NPY2R: variants seen among roughly 807,000 people sequenced by gnomAD.
NPY2R encodes the protein neuropeptide Y receptor type 2.
Under a neutral mutation model 22.3 loss-of-function variants are expected in NPY2R, and 17 were observed. The ratio of observed to expected loss-of-function variants is 0.76; its 90% CI spans 0.52 to 1.14. The LOEUF (loss-of-function observed/expected upper bound fraction) is 1.14. NPY2R is among the 50% of genes most tolerant of loss of function. NPY2R has a pLI of 0.00. For missense variants in NPY2R, 424 were observed against 467.9 expected (o/e 0.91, Z 0.87); for synonymous variants, 209 against 183.4 (o/e 1.14, Z -1.13).
At chr4:155,174,462 T>C in the NPY2R span, among the ~76,000 whole-genome samples, 28 of 116,574 alleles carry the variant, frequency 2.4e-4, no homozygotes, top group African/African-American at 1.2e-3. Flanking sequence ...TGGCTAAGCT[T>C]TATATATATA....
chr4:155,173,889 T>G, the NPY2R span: 1 of 152,066 alleles, frequency 6.6e-6, no homozygotes, highest in African/African-American at 2.4e-5. Flanking sequence ...AAGAAAGATT[T>G]TATTTCTCCT....
the NPY2R span, among the ~76,000 whole-genome samples, chr4:155,195,458 T>C: frequency 6.6e-6 from 1 of 151,976 alleles, no homozygotes; most frequent in African/African-American, 2.4e-5. Flanking sequence ...CACCAGACAA[T>C]TTTGATGAAG....
At chr4:155,211,450 A>G (rs1235069028) in intron 1 of NPY2R, among the ~76,000 whole-genome samples, 1 of 152,146 alleles carries the variant, frequency 6.6e-6, no homozygotes, top group Admixed American at 6.5e-5. Flanking sequence ...TGGACAGTAT[A>G]TATTGGGCTG....
In NPY2R at chr4:155,214,410, G is replaced by T; in HGVS notation, c.471G>T (p.Glu157Asp). ...ACAGGTGCATCGTCTACCACCTAGA[G>T]AGCAAGATCTCCAAGCGAATCAGCT... is the stretch of plus-strand genomic sequence containing the variant. ...DRHRCIVYHL[E>D]SKISKRISFL... is the part of the protein sequence containing the mutation. The change falls in exon 2 of 2, where the codon GAG becomes GAT. Residue 157 changes from glutamate (E) to aspartate (D), a missense_variant. Coordinates refer to ENST00000329476, the MANE Select transcript of NPY2R (RefSeq NM_000910.4). 1.2e-6 allele frequency: 2 copies of T among 1,614,054 alleles called. No homozygotes were observed. The highest frequency in any genetic ancestry group is 1.7e-6 in the Non-Finnish European group (2 of 1,180,006).
chr4:155,193,282 C>A, the NPY2R span, among the ~76,000 whole-genome samples: 3 of 152,006 alleles, frequency 2.0e-5, no homozygotes, highest in East Asian at 3.9e-4. Flanking sequence ...GCCCAGAGGA[C>A]TTGTCCAACT....
the NPY2R span, among the ~76,000 whole-genome samples, chr4:155,190,533 AAGG>A: frequency 5.9e-5 from 9 of 151,968 alleles, no homozygotes; most frequent in Admixed American, 5.9e-4. Context: ...AGTAAAATAA[AAGG>A]AGGGTGTTTA....
At chr4:155,175,258 A>C in the NPY2R span, among the ~76,000 whole-genome samples, 5 of 152,180 alleles carry the variant, frequency 3.3e-5, no homozygotes, top group Non-Finnish European at 7.4e-5. Flanking sequence ...GAAATGATGC[A>C]AGTTCAGTAT....
In NPY2R at chr4:155,213,873, T is replaced by C. The variant is rs1051334445; in HGVS notation, c.-48-19T>C. ...TTTTTGTTGTTGTTGTTTTGTTTTATTTTGTTTTTTCTTTTTAGGTTGTAG... is the reference window on the plus strand; with the variant it reads ...TTTTTGTTGTTGTTGTTTTGTTTTACTTTGTTTTTTCTTTTTAGGTTGTAG... On this transcript the variant is annotated intron_variant, in intron 1 of 1. Coordinates refer to ENST00000329476, the MANE Select transcript of NPY2R (RefSeq NM_000910.4). 7.6e-6 allele frequency: 10 copies of C among 1,308,140 alleles called. No individual in the cohort carries two copies. In the African/African-American group the frequency reaches 1.2e-4, roughly 15 times the overall value. 81.0% of individuals were successfully genotyped at this position (1,308,140 alleles called of 1,614,324 possible). A position where few individuals can be genotyped will look rare whatever the true frequency, so the allele number is the denominator to read the frequency against.
upstream of NPY2R, chr4:155,206,991 A>G (rs1368187883): frequency 6.6e-6 from 1 of 152,228 alleles, no homozygotes; most frequent in Non-Finnish European, 1.5e-5. Flanking sequence ...AAACAAAACA[A>G]AACAAAAACA....
the NPY2R span, among the ~76,000 whole-genome samples, chr4:155,186,680 T>G: frequency 6.6e-6 from 1 of 152,176 alleles, no homozygotes; most frequent in African/African-American, 2.4e-5. Flanking sequence ...TGATACACAG[T>G]AGATCTTTAA....
At chr4:155,196,045 GA>G in the NPY2R span, among the ~76,000 whole-genome samples, 1 of 151,744 alleles carries the variant, frequency 6.6e-6, no homozygotes, top group Non-Finnish European at 1.5e-5. Flanking sequence ...TTTCTAAAAT[GA>G]AAAAAAATCA....
upstream of NPY2R, among the ~76,000 whole-genome samples, chr4:155,205,852 T>TCTAG (rs1221843789): frequency 6.6e-6 from 1 of 151,878 alleles, no homozygotes; most frequent in Non-Finnish European, 1.5e-5. Context: ...TATCTATCTA[T>TCTAG]CTATGATTTC....
upstream of NPY2R, chr4:155,207,473 A>T (rs1433282170): frequency 6.6e-6 from 1 of 152,248 alleles, no homozygotes; most frequent in African/African-American, 2.4e-5. Context: ...TTAAGTAAAG[A>T]CTTAGGTTAC....
At chr4:155,182,088 G>A in the NPY2R span, among the ~76,000 whole-genome samples, 1 of 152,070 alleles carries the variant, frequency 6.6e-6, no homozygotes, top group East Asian at 1.9e-4. Context: ...AATAACTAAA[G>A]GCTAATTAAT....
At chr4:155,201,410 C>G in the NPY2R span, among the ~76,000 whole-genome samples, 2 of 152,154 alleles carry the variant, frequency 1.3e-5, no homozygotes, top group East Asian at 3.9e-4. Flanking sequence ...CTTCCAAGTA[C>G]TATCACCAAC....
the NPY2R span, among the ~76,000 whole-genome samples, chr4:155,187,678 C>A: frequency 1.3e-5 from 2 of 152,044 alleles, no homozygotes; most frequent in South Asian, 4.1e-4. Context: ...ATAAAATAAA[C>A]ACATGGTTCA....
At chr4:155,189,022 C>A in the NPY2R span, among the ~76,000 whole-genome samples, 1 of 152,054 alleles carries the variant, frequency 6.6e-6, no homozygotes, top group Non-Finnish European at 1.5e-5. Flanking sequence ...GGACCAGAGA[C>A]CTGCAGAGCT....
At chr4:155,179,138 A>C in the NPY2R span, among the ~76,000 whole-genome samples, 8 of 152,134 alleles carry the variant, frequency 5.3e-5, no homozygotes. Context: ...TTAATTATGA[A>C]CATTAATGTT....
At chr4:155,199,879 C>T in the NPY2R span, among the ~76,000 whole-genome samples, 48 of 152,006 alleles carry the variant, frequency 3.2e-4, no homozygotes, top group African/African-American at 9.2e-4. Context: ...AAGACTTAAA[C>T]GTAAAACCAA....
Sources: allele counts gnomAD v4.1 joint callset (sites outside exome capture counted in the v4.1 genomes callset), GRCh38; gene constraint gnomAD v4.1.1; transcripts MANE v1.5; gene names NCBI Gene and HGNC (gene_info 2026-07-23, HGNC 2026-07-21).